Variants in SOX6 observed in about 807,000 individuals in gnomAD.
SOX6 encodes transcription factor SOX-6.
A neutral mutation model predicts 97.8 loss-of-function variants in SOX6; 11 were observed. The observed-to-expected ratio is 0.11, with a 90% CI of 0.07 to 0.19. The LOEUF (loss-of-function observed/expected upper bound fraction) is 0.19, where lower values mean the gene tolerates loss of function less well. SOX6 is among the 10% of genes least tolerant of loss of function. The probability of loss-of-function intolerance (pLI) is 1.00; values close to 1 mark genes in which losing one functional copy is unlikely to be tolerated. For synonymous variants in SOX6, 360 were observed against 371.4 expected (o/e 0.97, Z 0.35); for missense variants, 810 against 1,039.5 (o/e 0.78, Z 3.04).
chr11:16,295,189 C>T (rs567105381), intron 3 of SOX6, among the ~76,000 whole-genome samples: 3 of 152,142 alleles, frequency 2.0e-5, no homozygotes, highest in Non-Finnish European at 4.4e-5. Flanking sequence ...TCATCCTATG[C>T]TATTTTTTCA....
At position 16,049,922 on chromosome 11, in the gene SOX6, T is replaced by C; in HGVS notation, c.1268A>G (p.Gln423Arg). Residue 423 changes from glutamine to arginine, a missense_variant, in exon 11 of 16, where the codon CAG (glutamine) becomes CGG (arginine). This residue lies in a region of SOX6 where 244 missense variants were observed against 261.0 expected (regional missense o/e 0.93). Transcript: ENST00000683767. ...GGGTCGGGATGAGAGATTCAGAGGC[T>C]GTGCTGCTGCTTCATCCTACAAGAG... is the stretch of plus-strand genomic sequence containing the variant. ...VTQVKDEAAA[Q>R]PLNLSSRPKT... is the part of the protein sequence containing the mutation. 4.3e-6 allele frequency: 7 copies of C among 1,613,812 alleles called. No homozygotes were observed. The highest frequency in any genetic ancestry group is 5.9e-6 in the Non-Finnish European group (7 of 1,179,754).
chr11:15,985,963 G>A (rs1853821498), intron 15 of SOX6, among the ~76,000 whole-genome samples: 1 of 152,138 alleles, frequency 6.6e-6, no homozygotes, highest in African/African-American at 2.4e-5. Flanking sequence ...ATTGGCTTGG[G>A]AGACAATGAC....
intron 3 of SOX6, among the ~76,000 whole-genome samples, chr11:16,667,854 C>T (rs1847818574): frequency 6.6e-6 from 1 of 151,786 alleles, no homozygotes. Context: ...AAAGATGAAC[C>T]CACCAAAAGT....
In SOX6 at chr11:16,552,037, A is replaced by G. The variant is rs74688366; in HGVS notation, n.609+60044T>C. The stretch of plus-strand genomic sequence containing the variant: ...TACATTTTTCTTACACATCTATAAG[A>G]TACATCTTCTATTTTCCCAATTTTT... On this transcript the variant is annotated intron_variant and non_coding_transcript_variant, in intron 4 of 5. Coordinates refer to the SOX6 transcript ENST00000524520. Among the ~76,000 whole-genome samples, 1,341 of 152,318 alleles carry G rather than the reference A, an allele frequency of 8.8e-3. 17 individuals are homozygous for G. Among genetic ancestry groups the G allele is most frequent in the African/African-American group, 0.031 (1,282 of 41,572 alleles).
At chr11:16,427,760 T>G (rs1440227327) in intron 1 of SOX6, among the ~76,000 whole-genome samples, 1 of 152,232 alleles carries the variant, frequency 6.6e-6, no homozygotes. Context: ...TCCAAGACTT[T>G]GCTATTGTGA....
chr11:16,183,848 C>CT, intron 6 of SOX6, 38 bp downstream of exon 6: 2 of 1,586,616 alleles, frequency 1.3e-6, no homozygotes, highest in Non-Finnish European at 1.7e-6. Flanking sequence ...AGGAAAGTAT[C>CT]TAAGTATAAT....
chr11:16,237,083 G>C (rs1014772272), intron 3 of SOX6, among the ~76,000 whole-genome samples: 7 of 151,884 alleles, frequency 4.6e-5, no homozygotes, highest in African/African-American at 1.7e-4. Flanking sequence ...ATAGGACAAT[G>C]AAAGTTAGTA....
chr11:16,421,969 T>C (rs1453377990), intron 1 of SOX6, among the ~76,000 whole-genome samples: 1 of 152,200 alleles, frequency 6.6e-6, no homozygotes. Flanking sequence ...TCTAACACAA[T>C]AGATTTCAAA....
At chr11:16,004,482 A>G (rs1854495228) in intron 13 of SOX6, among the ~76,000 whole-genome samples, 2 of 152,176 alleles carry the variant, frequency 1.3e-5, no homozygotes, top group South Asian at 2.1e-4. Flanking sequence ...ATATTATGGG[A>G]GTAGCAGAAA....
intron 12 of SOX6, chr11:16,023,159 C>T (rs1855116902): frequency 6.6e-6 from 1 of 152,068 alleles, no homozygotes; most frequent in Non-Finnish European, 1.5e-5. Flanking sequence ...TCTATCATCC[C>T]CTTTCCTCTA....
intron 15 of SOX6, among the ~76,000 whole-genome samples, chr11:15,974,979 T>C (rs1409526231): frequency 6.6e-6 from 1 of 152,192 alleles, no homozygotes; most frequent in Non-Finnish European, 1.5e-5. Flanking sequence ...AGCCATTGGC[T>C]GACTTGAATC....
intron 4 of SOX6, among the ~76,000 whole-genome samples, chr11:16,541,005 C>T (rs572876821): frequency 1.3e-5 from 2 of 152,260 alleles, no homozygotes; most frequent in African/African-American, 4.8e-5. Context: ...AAAGGGCCCG[C>T]ATTGCCAAGT....
chr11:16,494,934 C>T (rs1172245845), intron 4 of SOX6, among the ~76,000 whole-genome samples: 1 of 152,110 alleles, frequency 6.6e-6, no homozygotes, highest in East Asian at 1.9e-4. Context: ...CACACACTGC[C>T]CCAAGTCCTA....
chr11:15,996,629 A>T (rs1337351853), intron 13 of SOX6, among the ~76,000 whole-genome samples: 1 of 151,878 alleles, frequency 6.6e-6, no homozygotes, highest in Non-Finnish European at 1.5e-5. Flanking sequence ...AAAAACAAAC[A>T]AACAAAAGTA....
rs924350491 is a variant in SOX6, at chr11:15,969,818, G to A, written c.*2991C>T. 1 of 152,120 alleles carries A rather than the reference G, an allele frequency of 6.6e-6. No homozygotes were observed. Among genetic ancestry groups the A allele is most frequent in the Non-Finnish European group, 1.5e-5 (1 of 68,038 alleles). The allele number at this position is 152,120 out of a possible 1,614,324, so 9.4% of individuals were successfully genotyped here. On this transcript the variant is annotated 3_prime_UTR_variant, in exon 16 of 16. Coordinates refer to ENST00000683767, the MANE Select transcript of SOX6 (RefSeq NM_001367873.1). ...TATGATTGTCATTCTTAATTTCCAT[G>A]GATATTTAGAGCCAAACTTGGCTAA...
At chr11:16,147,874 CT>C (rs1589974319) in intron 6 of SOX6, among the ~76,000 whole-genome samples, 2 of 152,158 alleles carry the variant, frequency 1.3e-5, no homozygotes, top group African/African-American at 4.8e-5. Context: ...TTAAAACTTA[CT>C]AATGACTGTA....
chr11:16,597,687 T>TAA (rs2133975878), intron 4 of SOX6, among the ~76,000 whole-genome samples: 1 of 152,090 alleles, frequency 6.6e-6, no homozygotes, highest in Non-Finnish European at 1.5e-5. Context: ...TTGATATATA[T>TAA]AACCAAAGAT....
At chr11:16,558,519 G>A (rs1044186786) in intron 4 of SOX6, among the ~76,000 whole-genome samples, 3 of 152,016 alleles carry the variant, frequency 2.0e-5, no homozygotes, top group Non-Finnish European at 4.4e-5. Flanking sequence ...CAAGAATTTA[G>A]TCAGGTGTAT....
At chr11:16,090,772 C>G (rs1307150279) in intron 9 of SOX6, among the ~76,000 whole-genome samples, 1 of 151,968 alleles carries the variant, frequency 6.6e-6, no homozygotes, top group Non-Finnish European at 1.5e-5. Flanking sequence ...ACAAAAAATT[C>G]CCTGAATTAA....
Sources: allele counts gnomAD v4.1 joint callset (sites outside exome capture counted in the v4.1 genomes callset), GRCh38; gene constraint gnomAD v4.1.1; regional missense constraint gnomAD v4.1.1; transcripts MANE v1.5; gene names NCBI Gene and HGNC (gene_info 2026-07-23, HGNC 2026-07-21).